Variants in GPX3 observed in about 807,000 individuals in gnomAD.
GPX3 encodes the protein glutathione peroxidase 3.
Under a neutral mutation model 25.1 loss-of-function variants are expected in GPX3, and 22 were observed. That is an observed-to-expected ratio of 0.88 (90% CI 0.63 to 1.25). GPX3 has a LOEUF of 1.25. Ranked by LOEUF, GPX3 falls within the 50% of genes most tolerant of loss-of-function variation. GPX3 has a pLI of 0.00. For synonymous variants in GPX3, 110 were observed against 114.5 expected, an observed-to-expected ratio of 0.96 and a Z score of 0.25; for missense variants, 278 against 286.6, an observed-to-expected ratio of 0.97 and a Z score of 0.22.
chr5:151,025,435 C>A lies in GPX3; in HGVS notation c.183C>A (p.Gly61=). The A allele has an allele frequency of 6.2e-7, 1 of 1,612,926 alleles. No homozygotes were observed. The highest frequency in any genetic ancestry group is 1.1e-5 in the South Asian group (1 of 90,918). The change falls in exon 2 of 5, where the codon GGC becomes GGA. Residue 61 remains glycine (G), a synonymous_variant. Coordinates refer to ENST00000388825, the MANE Select transcript of GPX3 (RefSeq NM_002084.5). ...ACATCCCCTTCAAGCAGTATGCTGG[C>A]AAATACGTCCTCTTTGTCAACGTGG... ...EEYIPFKQYA[G]KYVLFVNVAS...
rs1464473262 is a variant in GPX3, at chr5:151,028,099, G to A, written c.650G>A (p.Arg217Gln). 11 of 1,593,214 alleles carry A rather than the reference G, an allele frequency of 6.9e-6. No homozygotes were observed. The East Asian group carries it at 1.1e-4, about 16-fold the overall frequency. ...VKMDILSYMRRQAALGVKRK is the reference protein window; with the variant it reads ...VKMDILSYMRQQAALGVKRK Reference sequence around the variant, plus strand: ...ATGGACATCCTGTCCTACATGAGGCGGCAGGCAGCCCTGGGGGTCAAGAGG... The same window carrying A: ...ATGGACATCCTGTCCTACATGAGGCAGCAGGCAGCCCTGGGGGTCAAGAGG... The change falls in exon 5 of 5, where the codon CGG (arginine) becomes CAG (glutamine). Residue 217 changes from arginine to glutamine, a missense_variant. Physicochemically the swap from Arg to Gln is conservative, Grantham distance 43. Coordinates refer to ENST00000388825, the MANE Select transcript of GPX3 (RefSeq NM_002084.5).
intron 1 of GPX3, among the ~76,000 whole-genome samples, chr5:151,024,122 G>A (rs1461269510): frequency 2.6e-5 from 4 of 152,128 alleles, no homozygotes; most frequent in African/African-American, 9.7e-5. Context: ...GCCCTCTCCT[G>A]GTCTATAATG....
intron 1 of GPX3, among the ~76,000 whole-genome samples, chr5:151,023,484 G>C (rs997600408): frequency 6.6e-6 from 1 of 152,144 alleles, no homozygotes; most frequent in Admixed American, 6.5e-5. Flanking sequence ...ATGAAATAGG[G>C]TTCTCCTTGC....
intron 1 of GPX3, among the ~76,000 whole-genome samples, chr5:151,024,330 G>A (rs111754352): frequency 7.8e-4 from 118 of 152,248 alleles, no homozygotes; most frequent in Non-Finnish European, 1.2e-3. Context: ...TCTGTGTCAC[G>A]GGCAGAGTAG....
chr5:151,022,997 A>G (rs1468916420), intron 1 of GPX3, among the ~76,000 whole-genome samples: 1 of 152,080 alleles, frequency 6.6e-6, no homozygotes, highest in African/African-American at 2.4e-5. Flanking sequence ...ACAGCATCAT[A>G]TTGATAGGAG....
Position 151,024,863 on chromosome 5 carries a change from C to T in GPX3, c.88-477C>T, listed in dbSNP as rs969321031. On this transcript the variant is annotated intron_variant, in intron 1 of 4. Coordinates refer to ENST00000388825, the MANE Select transcript of GPX3 (RefSeq NM_002084.5). The stretch of plus-strand genomic sequence containing the variant: ...CTGTTCAGTTTTTCCTTCACACTGG[C>T]CTAGTTCAGGTTCTCATCCTCAATT... Among the ~76,000 whole-genome samples, 10 of 152,266 alleles carry T rather than the reference C, an allele frequency of 6.6e-5. 2 individuals are homozygous for T. The highest frequency in any genetic ancestry group is 3.9e-4 in the East Asian group (2 of 5,190).
rs1376799748 is a variant in GPX3 at position 151,026,952 on chromosome 5, C to T, written c.294C>T (p.Gly98=). Residue 98 remains glycine (G), a synonymous_variant, in exon 3 of 5, where the codon GGC becomes GGT. Transcript: ENST00000388825. ...CACCATTCGGTCTGGTCATTCTGGGCTTTCCCTGCAACCAATTTGGAAAAC... is the reference window on the plus strand; with the variant it reads ...CACCATTCGGTCTGGTCATTCTGGGTTTTCCCTGCAACCAATTTGGAAAAC... ...ELAPFGLVIL[G]FPCNQFGKQE... is the part of the protein sequence containing the mutation. 1.2e-6 allele frequency: 2 copies of T among 1,614,070 alleles called. No homozygotes were observed. Among genetic ancestry groups the T allele is most frequent in the Non-Finnish European group, 1.7e-6 (2 of 1,180,016 alleles).
At chr5:151,025,884 G>A (rs1220672488) in intron 2 of GPX3, among the ~76,000 whole-genome samples, 3 of 152,178 alleles carry the variant, frequency 2.0e-5, no homozygotes, top group Non-Finnish European at 4.4e-5. Flanking sequence ...CAGCTCTCTG[G>A]AAAGCAGGCA....
chr5:151,023,611 T>C (rs371648408), intron 1 of GPX3, among the ~76,000 whole-genome samples: 2 of 152,158 alleles, frequency 1.3e-5, no homozygotes, highest in African/African-American at 2.4e-5. Flanking sequence ...TTTTGGATCA[T>C]GGCAGAGTTA....
Position 151,020,759 on chromosome 5 carries a change from C to T in GPX3, c.87+18C>T. On this transcript the variant is annotated intron_variant, in intron 1 of 4. Coordinates refer to ENST00000388825, the MANE Select transcript of GPX3 (RefSeq NM_002084.5). ...AGTCGAAGGTGAGTGAGCCTCCGGG[C>T]CGGGGGCCGGGAGAAAAAACCTAGC... The T allele has an allele frequency of 1.9e-6, 3 of 1,605,734 alleles. No individual in the cohort carries two copies. The highest frequency in any genetic ancestry group is 2.6e-6 in the Non-Finnish European group (3 of 1,175,536).
chr5:151,025,511 C>T lies in GPX3; in HGVS notation c.241+18C>T. 6.3e-7 allele frequency: 1 copy of T among 1,580,576 alleles called. No homozygotes were observed. The highest frequency in any genetic ancestry group is 8.6e-7 in the Non-Finnish European group (1 of 1,162,630). On this transcript the variant is annotated intron_variant, in intron 2 of 4. Coordinates refer to ENST00000388825, the MANE Select transcript of GPX3 (RefSeq NM_002084.5). Reference sequence around the variant, plus strand: ...GTACATTGGTAAGAGCCCACCCTTCCTCCCTGCTTTATTTGGGGCTGTATG... The same window carrying T: ...GTACATTGGTAAGAGCCCACCCTTCTTCCCTGCTTTATTTGGGGCTGTATG...
intron 3 of GPX3, 149 bp downstream of exon 3, chr5:151,027,166 A>G (rs1212198718): frequency 6.0e-6 from 4 of 664,202 alleles, no homozygotes; most frequent in Non-Finnish European, 1.1e-5. Context: ...GGAAGGGACA[A>G]GAGAGGGAGA....
At chr5:151,025,112 T>C (rs966493642) in intron 1 of GPX3, among the ~76,000 whole-genome samples, 5 of 152,192 alleles carry the variant, frequency 3.3e-5, no homozygotes, top group African/African-American at 1.2e-4. Context: ...TATTAATAAG[T>C]GCTTTTTAAG....
At chr5:151,027,352 T>C (rs933977864) in intron 3 of GPX3, 80 bp from the exon 4 acceptor site, 1 of 882,324 alleles carries the variant, frequency 1.1e-6, no homozygotes. Flanking sequence ...CAACACCCTC[T>C]CCCCTGTTCT....
At chr5:151,026,222 G>A (rs1297479944) in intron 2 of GPX3, among the ~76,000 whole-genome samples, 4 of 152,208 alleles carry the variant, frequency 2.6e-5, no homozygotes, top group Non-Finnish European at 5.9e-5. Context: ...ACGCTTTGGG[G>A]CTGAGCAGTC....
chr5:151,025,401 G>A lies in GPX3; in HGVS notation c.149G>A (p.Gly50Glu). 2 of 1,612,136 alleles carry A rather than the reference G, an allele frequency of 1.2e-6. No individual in the cohort carries two copies. The highest frequency in any genetic ancestry group is 2.2e-5 in the East Asian group (1 of 44,656). The change falls in exon 2 of 5, where the codon GGG (glycine) becomes GAG (glutamate). Residue 50 changes from glycine (G) to glutamate (E), a missense_variant. Transcript: ENST00000388825. ...IYEYGALTIDGEEYIPFKQYA... is the reference protein window; with the variant it reads ...IYEYGALTIDEEEYIPFKQYA... ...GAGTACGGAGCCCTCACCATTGATGGGGAGGAGTACATCCCCTTCAAGCAG... is the reference window on the plus strand; with the variant it reads ...GAGTACGGAGCCCTCACCATTGATGAGGAGGAGTACATCCCCTTCAAGCAG...
In GPX3 at chr5:151,027,020, G is replaced by A. The variant is rs77009191; in HGVS notation, c.359+3G>A. 3 of 1,581,682 alleles carry A rather than the reference G, an allele frequency of 1.9e-6. No individual in the cohort carries two copies. The highest frequency in any genetic ancestry group is 2.2e-5 in the South Asian group (2 of 90,292). On this transcript the variant is annotated splice_donor_region_variant and intron_variant, in intron 3 of 4. Transcript: ENST00000388825. ...TCAGAGATCCTTCCTACCCTCAAGT[G>A]AGTACTCACTCAGCATCCTGAGAAA...
In GPX3 at chr5:151,026,978, A is replaced by G. The variant is rs767969017; in HGVS notation, c.320A>G (p.Gln107Arg). 1 of 1,614,110 alleles carries G rather than the reference A, an allele frequency of 6.2e-7. No homozygotes were observed. The highest frequency in any genetic ancestry group is 8.5e-7 in the Non-Finnish European group (1 of 1,179,918). ...TTTCCCTGCAACCAATTTGGAAAAC[A>G]GGAACCAGGAGAGAACTCAGAGATC... ...LGFPCNQFGK[Q>R]EPGENSEILP... The change falls in exon 3 of 5, where the codon CAG (glutamine) becomes CGG (arginine). Residue 107 changes from glutamine (Q) to arginine (R), a missense_variant. By Grantham distance (43) the Gln-to-Arg change is conservative. Transcript: ENST00000388825.
At chr5:151,027,718 GC>G in intron 4 of GPX3, 187 bp downstream of exon 4, 2 of 681,752 alleles carry the variant, frequency 2.9e-6, no homozygotes, top group Non-Finnish European at 2.6e-6. Context: ...TTACAGAAAG[GC>G]CCAGAAGGAC....
Sources: gnomAD v4.1 joint callset for allele counts (sites outside exome capture counted in the v4.1 genomes callset) on GRCh38, gnomAD v4.1.1 for gene constraint, MANE v1.5 for transcripts, NCBI Gene and HGNC (gene_info 2026-07-23, HGNC 2026-07-21) for gene names.